PDCL2: variants seen among roughly 807,000 people sequenced by gnomAD.
PDCL2 encodes the protein phosducin like 2, also known as phosducin-like protein 2.
In PDCL2, 23 loss-of-function variants were observed where a neutral mutation model predicts 30.3. That is an observed-to-expected ratio of 0.76 (90% CI 0.55 to 1.08). The LOEUF (loss-of-function observed/expected upper bound fraction) is 1.08. PDCL2 is among the 50% of genes least tolerant of loss of function. The pLI, the probability that PDCL2 is intolerant of heterozygous loss-of-function variation, is 0.00. For missense variants in PDCL2, 243 were observed against 282.3 expected (o/e 0.86, Z 1.00); for synonymous variants, 68 against 86.2 (o/e 0.79, Z 1.17).
At chr4:55,565,081 A>G (rs1470388374) in intron 4 of PDCL2, among the ~76,000 whole-genome samples, 2 of 152,180 alleles carry the variant, frequency 1.3e-5, no homozygotes, top group Non-Finnish European at 2.9e-5. Context: ...GCTATGATAC[A>G]CACTTAAACA....
intron 5 of PDCL2, among the ~76,000 whole-genome samples, chr4:55,558,969 T>C (rs1203307499): frequency 1.3e-5 from 2 of 151,646 alleles, no homozygotes; most frequent in Non-Finnish European, 2.9e-5. Flanking sequence ...AATGACAAAA[T>C]GGACAAAGTA....
chr4:55,562,564 T>G lies in PDCL2; in HGVS notation c.411A>C (p.Arg137Ser), dbSNP rs751455088. The change falls in exon 5 of 6, where the codon AGA (arginine) becomes AGC (serine). Residue 137 changes from arginine (R) to serine (S), a missense_variant. Physicochemically the swap from Arg to Ser is moderately radical, Grantham distance 110. Coordinates refer to ENST00000295645, the MANE Select transcript of PDCL2 (RefSeq NM_152401.3). ...TAACAAATTTAGTTTCTGGAAACTTTCTTGCTAGAAGACTAAGATGCTGGT... is the reference window on the plus strand; with the variant it reads ...TAACAAATTTAGTTTCTGGAAACTTGCTTGCTAGAAGACTAAGATGCTGGT... ...LVNQHLSLLA[R>S]KFPETKFVKA... The G allele has an allele frequency of 3.7e-6, 6 of 1,606,248 alleles. No individual in the cohort carries two copies. Among genetic ancestry groups the G allele is most frequent in the South Asian group, 3.4e-5 (3 of 89,552 alleles).
chr4:55,583,447 T>C (rs533975843), intron 1 of PDCL2, among the ~76,000 whole-genome samples: 1 of 152,308 alleles, frequency 6.6e-6, no homozygotes, highest in Admixed American at 6.5e-5. Flanking sequence ...TTTGCTTTTG[T>C]TGACTGAGCT....
At chr4:55,582,471 A>G (rs1732745459) in intron 1 of PDCL2, among the ~76,000 whole-genome samples, 1 of 152,224 alleles carries the variant, frequency 6.6e-6, no homozygotes, top group Admixed American at 6.5e-5. Context: ...CATATAGAGA[A>G]TATTAAGGAA....
At chr4:55,567,340 C>T (rs1313559887) in intron 4 of PDCL2, among the ~76,000 whole-genome samples, 1 of 151,966 alleles carries the variant, frequency 6.6e-6, no homozygotes, top group African/African-American at 2.4e-5. Context: ...TGAGACCGGT[C>T]TGGGCGACAT....
intron 3 of PDCL2, among the ~76,000 whole-genome samples, chr4:55,572,752 T>A (rs1466728918): frequency 6.6e-6 from 1 of 151,878 alleles, no homozygotes; most frequent in African/African-American, 2.4e-5. Context: ...ATGCTTTGTG[T>A]GTTTCTTCTT....
At chr4:55,570,862 C>G (rs183940540) in intron 3 of PDCL2, among the ~76,000 whole-genome samples, 5,159 of 152,240 alleles carry the variant, frequency 0.034, 103 homozygotes, top group Non-Finnish European at 0.054. Context: ...GTATTTACTC[C>G]TTTTCTTTCT....
In PDCL2 at chr4:55,556,588, T is replaced by C. The variant is rs572208959; in HGVS notation, c.695A>G (p.Asp232Gly). ...GGTATCATTATCACTGTTGGAGCTATCACTGTCATCATGAATAGAAGTGTT... is the reference window on the plus strand; with the variant it reads ...GGTATCATTATCACTGTTGGAGCTACCACTGTCATCATGAATAGAAGTGTT... Reference protein sequence around the residue: ...IRNTSIHDDSDSSNSDNDTK With the variant: ...IRNTSIHDDSGSSNSDNDTK The change falls in exon 6 of 6, where the codon GAT (aspartate) becomes GGT (glycine). Residue 232 changes from aspartate to glycine, a missense_variant. Asp to Gly is a moderately conservative substitution (Grantham distance 94). Coordinates refer to ENST00000295645, the MANE Select transcript of PDCL2 (RefSeq NM_152401.3). The C allele has an allele frequency of 3.8e-6, 6 of 1,570,182 alleles. No individual in the cohort carries two copies. In the South Asian group the frequency reaches 7.0e-5, roughly 18 times the overall value.
At chr4:55,591,672 G>A (rs546535814) in intron 1 of PDCL2, among the ~76,000 whole-genome samples, 42 of 152,296 alleles carry the variant, frequency 2.8e-4, no homozygotes, top group African/African-American at 9.6e-4. Flanking sequence ...TTGAGGTGAG[G>A]TGCAAGAAAC....
intron 4 of PDCL2, among the ~76,000 whole-genome samples, chr4:55,563,493 C>T (rs751013733): frequency 1.6e-4 from 25 of 152,172 alleles, no homozygotes; most frequent in Non-Finnish European, 2.2e-4. Context: ...CCAGCCTGGC[C>T]AACATGGTGA....
chr4:55,589,014 A>C (rs1035047890), intron 1 of PDCL2, among the ~76,000 whole-genome samples: 1 of 151,722 alleles, frequency 6.6e-6, no homozygotes, highest in African/African-American at 2.4e-5. Flanking sequence ...CCTGCCACCA[A>C]ACCTGGCTAA....
At chr4:55,589,060 C>T (rs887343688) in intron 1 of PDCL2, among the ~76,000 whole-genome samples, 70 of 152,130 alleles carry the variant, frequency 4.6e-4, no homozygotes, top group African/African-American at 1.5e-3. Flanking sequence ...GGGGTTTCAC[C>T]GTGTTAGCCA....
intron 4 of PDCL2, among the ~76,000 whole-genome samples, chr4:55,563,834 T>G (rs1000012047): frequency 6.6e-6 from 1 of 152,124 alleles, no homozygotes; most frequent in Non-Finnish European, 1.5e-5. Flanking sequence ...AAAAGTGGTG[T>G]TGTTATGTAG....
chr4:55,585,549 C>A (rs1732837417), intron 1 of PDCL2, among the ~76,000 whole-genome samples: 1 of 151,890 alleles, frequency 6.6e-6, no homozygotes, highest in Non-Finnish European at 1.5e-5. Flanking sequence ...CACAGACACA[C>A]ACACACACAC....
intron 1 of PDCL2, among the ~76,000 whole-genome samples, chr4:55,589,719 G>T (rs1337069480): frequency 6.6e-6 from 1 of 152,098 alleles, no homozygotes; most frequent in Non-Finnish European, 1.5e-5. Flanking sequence ...ATTAACAAGA[G>T]AAAAAGAGTT....
chr4:55,571,788 A>C (rs1376875587), intron 3 of PDCL2, among the ~76,000 whole-genome samples: 1 of 151,160 alleles, frequency 6.6e-6, no homozygotes, highest in Admixed American at 6.6e-5. Flanking sequence ...TCAAACCCAG[A>C]GGAGAATGCC....
intron 1 of PDCL2, among the ~76,000 whole-genome samples, chr4:55,587,696 C>T (rs945857909): frequency 6.6e-6 from 1 of 151,896 alleles, no homozygotes; most frequent in African/African-American, 2.4e-5. Context: ...GCTAAGATTA[C>T]AGATGCCCAC....
intron 4 of PDCL2, among the ~76,000 whole-genome samples, chr4:55,567,764 T>C (rs1732306143): frequency 6.6e-6 from 1 of 152,214 alleles, no homozygotes; most frequent in Non-Finnish European, 1.5e-5. Context: ...CCTGTCCTCC[T>C]TTTATGTCTT....
rs1560500936 is a variant in PDCL2 at position 55,569,827 on chromosome 4, TC to T, written c.252del (p.Lys86AsnfsTer7). 4 of 1,551,646 alleles carry T rather than the reference TC, an allele frequency of 2.6e-6. No individual in the cohort carries two copies. The highest frequency in any genetic ancestry group is 3.5e-6 in the Non-Finnish European group (4 of 1,142,128). The part of the protein sequence containing the change: ...KKRLQEWKAL[K>X]KKQKFGELRE... ...CTTAATTCTCCAAATTTTTGTTTTT[TC>T]TTAAGAGCTTTCCATTCCTGTAACC... On this transcript the variant is annotated frameshift_variant, in exon 4 of 6. Transcript: ENST00000295645. LOFTEE classifies it high-confidence loss of function.
Sources: allele counts gnomAD v4.1 joint callset (sites outside exome capture counted in the v4.1 genomes callset), GRCh38; gene constraint gnomAD v4.1.1; transcripts MANE v1.5; gene names NCBI Gene and HGNC (gene_info 2026-07-23, HGNC 2026-07-21).